ARB2A: variants seen among roughly 807,000 people sequenced by gnomAD.
ARB2A encodes ARB2 cotranscriptional regulator A.
At chr5:93,875,422 G>A in the ARB2A span, among the ~76,000 whole-genome samples, 1 of 152,068 alleles carries the variant, frequency 6.6e-6, no homozygotes, top group African/African-American at 2.4e-5. Context: ...AGTAGTGACA[G>A]GGTTTCACCA....
the ARB2A span, among the ~76,000 whole-genome samples, chr5:94,080,962 C>A: frequency 6.6e-6 from 1 of 152,034 alleles, no homozygotes; most frequent in South Asian, 2.1e-4. Flanking sequence ...GTTAAGAGAC[C>A]AGATGTATCC....
chr5:93,718,627 A>G, the ARB2A span, among the ~76,000 whole-genome samples: 1 of 152,130 alleles, frequency 6.6e-6, no homozygotes, highest in Admixed American at 6.6e-5. Context: ...GTAAGGCCCT[A>G]ATATATAATT....
the ARB2A span, among the ~76,000 whole-genome samples, chr5:94,061,420 A>G: frequency 6.6e-6 from 1 of 152,184 alleles, no homozygotes; most frequent in Non-Finnish European, 1.5e-5. Flanking sequence ...ATCCATCCTC[A>G]CTATTCTTGT....
chr5:93,956,228 A>G, the ARB2A span, among the ~76,000 whole-genome samples: 2 of 152,204 alleles, frequency 1.3e-5, no homozygotes, highest in Non-Finnish European at 1.5e-5. Flanking sequence ...TTTTCAAACT[A>G]TGACCTGTGG....
At chr5:93,729,249 TA>T in the ARB2A span, among the ~76,000 whole-genome samples, 1 of 152,178 alleles carries the variant, frequency 6.6e-6, no homozygotes, top group South Asian at 2.1e-4. Flanking sequence ...CCCATTCCTC[TA>T]ACACTGGCCG....
the ARB2A span, among the ~76,000 whole-genome samples, chr5:93,628,052 ATTTTTTTTT>A: frequency 2.9e-5 from 2 of 68,328 alleles, no homozygotes; most frequent in Admixed American, 2.0e-4. Flanking sequence ...ATGTAGCATA[ATTTTTTTTT>A]TTTTTTTTTT....
the ARB2A span, among the ~76,000 whole-genome samples, chr5:93,718,138 A>G: frequency 6.6e-6 from 1 of 151,854 alleles, no homozygotes; most frequent in East Asian, 2.0e-4. Context: ...CAATATTCTT[A>G]TTTCAAAATA....
the ARB2A span, chr5:93,881,523 C>T: frequency 6.2e-7 from 1 of 1,610,642 alleles, no homozygotes; most frequent in Admixed American, 1.7e-5. Flanking sequence ...CGATACTTCT[C>T]ATAGAAATCA....
chr5:93,656,308 A>G, the ARB2A span, among the ~76,000 whole-genome samples: 15 of 152,244 alleles, frequency 9.9e-5, no homozygotes, highest in Admixed American at 5.2e-4. Context: ...AGTTCCAAAC[A>G]TTAAAAAATG....
the ARB2A span, among the ~76,000 whole-genome samples, chr5:93,809,359 A>C: frequency 6.6e-6 from 1 of 152,082 alleles, no homozygotes; most frequent in African/African-American, 2.4e-5. Context: ...ACAAACCTGC[A>C]CATGTACCCC....
At chr5:93,630,046 A>G in the ARB2A span, among the ~76,000 whole-genome samples, 1 of 152,202 alleles carries the variant, frequency 6.6e-6, no homozygotes, top group Non-Finnish European at 1.5e-5. Context: ...AGAAAGCTAT[A>G]AAGAATCAGA....
At chr5:93,957,702 A>G in the ARB2A span, among the ~76,000 whole-genome samples, 2 of 152,076 alleles carry the variant, frequency 1.3e-5, no homozygotes, top group African/African-American at 2.4e-5. Context: ...TTCAAAATCT[A>G]TTAACCAAAA....
chr5:93,958,072 A>G, the ARB2A span, among the ~76,000 whole-genome samples: 1 of 152,076 alleles, frequency 6.6e-6, no homozygotes, highest in East Asian at 1.9e-4. Flanking sequence ...AAAGCAGTCA[A>G]ACATTAAAAT....
the ARB2A span, among the ~76,000 whole-genome samples, chr5:94,008,445 C>A: frequency 6.6e-6 from 1 of 152,094 alleles, no homozygotes; most frequent in Non-Finnish European, 1.5e-5. Flanking sequence ...GTGAACATTT[C>A]TAATAAGTTG....
At chr5:93,883,869 T>C in the ARB2A span, among the ~76,000 whole-genome samples, 3 of 149,752 alleles carry the variant, frequency 2.0e-5, no homozygotes, top group Admixed American at 1.4e-4. Flanking sequence ...GTTTCTTCCT[T>C]GCCTTCTCTG....
chr5:93,720,473 A>C, the ARB2A span, among the ~76,000 whole-genome samples: 3 of 152,212 alleles, frequency 2.0e-5, no homozygotes, highest in African/African-American at 7.2e-5. Flanking sequence ...TCATATCTTT[A>C]AGATCTGGAT....
the ARB2A span, among the ~76,000 whole-genome samples, chr5:93,979,955 C>T: frequency 7.9e-5 from 12 of 152,050 alleles, no homozygotes; most frequent in East Asian, 1.9e-4. Flanking sequence ...GAGATTTACC[C>T]CATCTTTTTA....
At chr5:93,796,192 G>A in the ARB2A span, among the ~76,000 whole-genome samples, 1 of 152,124 alleles carries the variant, frequency 6.6e-6, no homozygotes, top group Non-Finnish European at 1.5e-5. Context: ...AAGACTGTGC[G>A]ATATAAATTT....
At chr5:93,704,930 C>T in the ARB2A span, among the ~76,000 whole-genome samples, 12 of 152,296 alleles carry the variant, frequency 7.9e-5, no homozygotes, top group East Asian at 1.9e-3. Flanking sequence ...ACAGCTCATC[C>T]ATAAATCCCC....
Sources: allele counts gnomAD v4.1 joint callset (sites outside exome capture counted in the v4.1 genomes callset), GRCh38; gene constraint gnomAD v4.1.1; transcripts MANE v1.5; gene names NCBI Gene and HGNC (gene_info 2026-07-23, HGNC 2026-07-21).